Variants in VAV3 observed in about 807,000 individuals in gnomAD.
VAV3 encodes the protein vav guanine nucleotide exchange factor 3.
VAV3 carries 94 observed loss-of-function variants against 131.2 expected under a neutral mutation model. The ratio of observed to expected loss-of-function variants is 0.72; its 90% CI spans 0.61 to 0.85. VAV3 has a LOEUF of 0.85. VAV3 is among the 40% of genes least tolerant of loss of function. VAV3 has a pLI of 0.00. For synonymous variants in VAV3, 349 were observed against 342.0 expected (o/e 1.02, Z -0.22); for missense variants, 939 against 1,002.7 (o/e 0.94, Z 0.86).
chr1:107,827,223 T>C (rs1267925711), intron 2 of VAV3, among the ~76,000 whole-genome samples: 1 of 152,190 alleles, frequency 6.6e-6, no homozygotes, highest in Non-Finnish European at 1.5e-5. Context: ...ATGAAAGAAC[T>C]ACTTACTACT....
intron 15 of VAV3, among the ~76,000 whole-genome samples, chr1:107,748,621 A>G (rs1663506982): frequency 6.6e-6 from 1 of 152,218 alleles, no homozygotes; most frequent in African/African-American, 2.4e-5. Context: ...AAGGTATATA[A>G]TTTAAAAATA....
At chr1:107,746,316 A>G (rs1446125325) in intron 15 of VAV3, among the ~76,000 whole-genome samples, 1 of 152,206 alleles carries the variant, frequency 6.6e-6, no homozygotes, top group African/African-American at 2.4e-5. Context: ...CCTCAACTTC[A>G]ACTCTGAGCA....
chr1:107,748,889 T>A, intron 15 of VAV3, 79 bp downstream of exon 15: 1 of 1,062,720 alleles, frequency 9.4e-7, no homozygotes, highest in Non-Finnish European at 1.4e-6. Context: ...AGCATTAGAG[T>A]ACACTTATTG....
chr1:107,755,470 G>C lies in VAV3; in HGVS notation c.1130C>G (p.Thr377Ser). The change falls in exon 12 of 27, where the codon ACC becomes AGC. Residue 377 changes from threonine (T) to serine (S), a missense_variant. Coordinates refer to ENST00000370056, the MANE Select transcript of VAV3 (RefSeq NM_006113.5). ...YVNEVKRDNE[T>S]LREIKQFQLS... ...CTGAAACTGTTTAATTTCACGAAGGGTCTCATTATCTCTTTTCACTTCATT... is the reference window on the plus strand; with the variant it reads ...CTGAAACTGTTTAATTTCACGAAGGCTCTCATTATCTCTTTTCACTTCATT... 2 of 1,613,612 alleles carry C rather than the reference G, an allele frequency of 1.2e-6. No individual in the cohort carries two copies. The highest frequency in any genetic ancestry group is 1.7e-6 in the Non-Finnish European group (2 of 1,179,676).
chr1:107,605,596 C>A (rs1176353603), intron 22 of VAV3, among the ~76,000 whole-genome samples: 1 of 152,190 alleles, frequency 6.6e-6, no homozygotes, highest in African/African-American at 2.4e-5. Context: ...ATCTTAAAAT[C>A]TGAAATTCAG....
At chr1:107,907,266 CAAG>C (rs1672154583) in intron 1 of VAV3, among the ~76,000 whole-genome samples, 1 of 152,080 alleles carries the variant, frequency 6.6e-6, no homozygotes, top group African/African-American at 2.4e-5. Flanking sequence ...GATATAAGAG[CAAG>C]AAGTTGGAAA....
intron 1 of VAV3, among the ~76,000 whole-genome samples, chr1:107,875,620 G>T (rs1007114098): frequency 6.6e-6 from 1 of 152,160 alleles, no homozygotes; most frequent in Non-Finnish European, 1.5e-5. Flanking sequence ...AGCTAGTGGG[G>T]TCAGATGATG....
intron 1 of VAV3, among the ~76,000 whole-genome samples, chr1:107,930,725 T>C (rs989325116): frequency 1.3e-5 from 2 of 152,138 alleles, no homozygotes; most frequent in Non-Finnish European, 2.9e-5. Context: ...TGAAAAACTT[T>C]ATATTGAAGA....
At chr1:107,963,171 G>T (rs932033329) in intron 1 of VAV3, among the ~76,000 whole-genome samples, 18 of 152,140 alleles carry the variant, frequency 1.2e-4, no homozygotes, top group Non-Finnish European at 2.2e-4. Context: ...CAGGAAACAA[G>T]TTCCAGGAAA....
chr1:107,736,332 A>G (rs1662630003), intron 15 of VAV3, among the ~76,000 whole-genome samples: 2 of 152,174 alleles, frequency 1.3e-5, no homozygotes, highest in Non-Finnish European at 2.9e-5. Flanking sequence ...ACTCCTATTC[A>G]ACATAGTGTT....
intron 15 of VAV3, among the ~76,000 whole-genome samples, chr1:107,731,135 T>C (rs1662215137): frequency 6.6e-6 from 1 of 152,186 alleles, no homozygotes; most frequent in Admixed American, 6.5e-5. Flanking sequence ...CATTAAAGTA[T>C]TAAAATCTGA....
At chr1:107,703,447 T>C (rs10218617) in intron 17 of VAV3, among the ~76,000 whole-genome samples, 55,468 of 152,000 alleles carry the variant, frequency 0.36, 10,618 homozygotes, top group African/African-American at 0.48. Flanking sequence ...AGATGCCCAG[T>C]AGAGCACCCA....
chr1:107,800,030 C>G (rs1241040894), intron 2 of VAV3, among the ~76,000 whole-genome samples: 1 of 152,124 alleles, frequency 6.6e-6, no homozygotes, highest in African/African-American at 2.4e-5. Flanking sequence ...GGATGTCATT[C>G]TTTATGGTTG....
At chr1:107,929,014 A>G (rs1489716089) in intron 1 of VAV3, among the ~76,000 whole-genome samples, 1 of 152,212 alleles carries the variant, frequency 6.6e-6, no homozygotes, top group Non-Finnish European at 1.5e-5. Flanking sequence ...GAAAGAAAAA[A>G]GAAACAAATA....
intron 1 of VAV3, among the ~76,000 whole-genome samples, chr1:107,903,511 C>T (rs888947993): frequency 6.6e-6 from 1 of 152,008 alleles, no homozygotes; most frequent in Non-Finnish European, 1.5e-5. Flanking sequence ...CTGCAAGATG[C>T]CAGATAAATG....
intron 2 of VAV3, among the ~76,000 whole-genome samples, chr1:107,870,986 C>T (rs1202840143): frequency 6.6e-6 from 1 of 152,078 alleles, no homozygotes; most frequent in South Asian, 2.1e-4. Context: ...AGAAAAAATC[C>T]CATGTGCTTC....
At chr1:107,886,728 T>C (rs558406237) in intron 1 of VAV3, among the ~76,000 whole-genome samples, 2 of 152,136 alleles carry the variant, frequency 1.3e-5, no homozygotes, top group Admixed American at 1.3e-4. Context: ...GAAACTTCCA[T>C]CAAACTGCTC....
At chr1:107,612,317 CT>C (rs972650440) in intron 21 of VAV3, among the ~76,000 whole-genome samples, 3 of 151,748 alleles carry the variant, frequency 2.0e-5, no homozygotes, top group African/African-American at 7.3e-5. Flanking sequence ...CGATTTCATC[CT>C]TTTTTTGAGA....
chr1:107,864,874 G>T (rs550183084), intron 2 of VAV3, among the ~76,000 whole-genome samples: 32 of 152,290 alleles, frequency 2.1e-4, no homozygotes, highest in Non-Finnish European at 4.0e-4. Context: ...AGAGCAGGGG[G>T]TCTTGACTAC....
Sources: gnomAD v4.1 joint callset for allele counts (sites outside exome capture counted in the v4.1 genomes callset) on GRCh38, gnomAD v4.1.1 for gene constraint, MANE v1.5 for transcripts, NCBI Gene and HGNC (gene_info 2026-07-23, HGNC 2026-07-21) for gene names.